The following RCAN1 variants were observed in gnomAD, a reference collection of about 807,000 sequenced individuals.
RCAN1 encodes the protein calcipressin-1.
RCAN1 carries 11 observed loss-of-function variants against 22.9 expected under a neutral mutation model. The observed-to-expected ratio is 0.48, with a 90% CI of 0.30 to 0.79. RCAN1 has a LOEUF of 0.79. Among genes scored for constraint, RCAN1 ranks in the 30% least tolerant of loss-of-function variants. The pLI is 0.06. For missense variants in RCAN1, 291 were observed against 337.8 expected, an observed-to-expected ratio of 0.86 and a Z score of 1.09; for synonymous variants, 136 against 142.3, an observed-to-expected ratio of 0.96 and a Z score of 0.32.
At chr21:34,610,326 G>A (rs560538261) in intron 1 of RCAN1, among the ~76,000 whole-genome samples, 43 of 152,302 alleles carry the variant, frequency 2.8e-4, no homozygotes, top group East Asian at 9.6e-4. Context: ...ATGATCTGCC[G>A]TTTGGGTGGA....
chr21:34,599,264 T>C (rs551489718), intron 1 of RCAN1, among the ~76,000 whole-genome samples: 1 of 152,008 alleles, frequency 6.6e-6, no homozygotes, highest in Non-Finnish European at 1.5e-5. Flanking sequence ...GAATAGCTGG[T>C]TGAGTTGTGT....
chr21:34,519,202 A>G (rs1014101613), intron 3 of RCAN1, among the ~76,000 whole-genome samples: 2 of 152,150 alleles, frequency 1.3e-5, no homozygotes, highest in Non-Finnish European at 2.9e-5. Context: ...TGTCCAGCCC[A>G]TGTCACCTAG....
intron 1 of RCAN1, among the ~76,000 whole-genome samples, chr21:34,547,773 C>T (rs1222182816): frequency 1.3e-5 from 2 of 152,186 alleles, no homozygotes; most frequent in Non-Finnish European, 2.9e-5. Flanking sequence ...CAGCTTCTGC[C>T]TTCTGCCATG....
intron 1 of RCAN1, among the ~76,000 whole-genome samples, chr21:34,583,949 T>A (rs948524298): frequency 6.6e-6 from 1 of 152,212 alleles, no homozygotes; most frequent in Non-Finnish European, 1.5e-5. Flanking sequence ...ACACACATAT[T>A]TGTTATTGAT....
At chr21:34,582,286 C>T (rs1055001691) in intron 1 of RCAN1, among the ~76,000 whole-genome samples, 2 of 152,130 alleles carry the variant, frequency 1.3e-5, no homozygotes, top group Non-Finnish European at 2.9e-5. Context: ...AGCTGACGTT[C>T]TAGCAAACAC....
chr21:34,578,826 G>T (rs1987504531), intron 1 of RCAN1, among the ~76,000 whole-genome samples: 1 of 152,112 alleles, frequency 6.6e-6, no homozygotes, highest in Non-Finnish European at 1.5e-5. Flanking sequence ...GGTCCTCCTG[G>T]CCACTCGGTT....
At chr21:34,584,956 C>T (rs1557270) in intron 1 of RCAN1, among the ~76,000 whole-genome samples, 11,776 of 152,234 alleles carry the variant, frequency 0.077, 475 homozygotes, top group African/African-American at 0.1. Flanking sequence ...TTTTGCTATG[C>T]ATTTAATGGA....
intron 1 of RCAN1, among the ~76,000 whole-genome samples, chr21:34,533,028 T>C (rs916841038): frequency 1.3e-5 from 2 of 151,442 alleles, no homozygotes; most frequent in South Asian, 2.1e-4. Flanking sequence ...TGGCACTATC[T>C]CGGCTCACTG....
chr21:34,554,085 C>A (rs771510946), intron 1 of RCAN1, among the ~76,000 whole-genome samples: 15 of 152,216 alleles, frequency 9.9e-5, no homozygotes, highest in Non-Finnish European at 2.1e-4. Context: ...ATCTCAGAAA[C>A]AATGCACTAT....
At chr21:34,553,426 C>G (rs1986443785) in intron 1 of RCAN1, among the ~76,000 whole-genome samples, 2 of 152,202 alleles carry the variant, frequency 1.3e-5, no homozygotes, top group Admixed American at 6.5e-5. Flanking sequence ...CATGGAAAGT[C>G]ATGCCACTTC....
At chr21:34,604,490 A>G (rs1383457383) in intron 1 of RCAN1, among the ~76,000 whole-genome samples, 1 of 152,144 alleles carries the variant, frequency 6.6e-6, no homozygotes, top group Non-Finnish European at 1.5e-5. Context: ...AGTACTGTAT[A>G]TGTTTCCAAG....
intron 1 of RCAN1, among the ~76,000 whole-genome samples, chr21:34,576,727 G>A (rs943431415): frequency 2.0e-4 from 30 of 152,084 alleles, no homozygotes; most frequent in Admixed American, 1.5e-3. Flanking sequence ...TCTAATCACC[G>A]CTCAGCAAGA....
intron 1 of RCAN1, among the ~76,000 whole-genome samples, chr21:34,527,305 C>T (rs770675083): frequency 7.1e-6 from 1 of 140,786 alleles, no homozygotes; most frequent in Non-Finnish European, 1.6e-5. Flanking sequence ...ATACTTGATC[C>T]CTGGAATTTC....
At chr21:34,568,093 C>G (rs1386484164) in intron 1 of RCAN1, among the ~76,000 whole-genome samples, 1 of 152,176 alleles carries the variant, frequency 6.6e-6, no homozygotes, top group Non-Finnish European at 1.5e-5. Context: ...CTTGGGACCT[C>G]TGCCCCAGCT....
At chr21:34,554,423 TG>T (rs934594571) in intron 1 of RCAN1, among the ~76,000 whole-genome samples, 17 of 152,280 alleles carry the variant, frequency 1.1e-4, no homozygotes, top group African/African-American at 3.9e-4. Context: ...ATCTGGAGGC[TG>T]GGGTAAACAC....
At chr21:34,592,111 A>G (rs1202795837) in intron 1 of RCAN1, among the ~76,000 whole-genome samples, 2 of 152,216 alleles carry the variant, frequency 1.3e-5, no homozygotes, top group African/African-American at 2.4e-5. Flanking sequence ...TTGGGCTTAG[A>G]CAGACGAAAG....
intron 1 of RCAN1, among the ~76,000 whole-genome samples, chr21:34,547,759 G>A (rs1372635184): frequency 2.6e-5 from 4 of 152,198 alleles, no homozygotes; most frequent in Non-Finnish European, 5.9e-5. Context: ...TCCTGTGCTT[G>A]CTTCAGCTTC....
At position 34,614,682 on chromosome 21, in the gene RCAN1, G is replaced by T; in HGVS notation, c.252+78C>A. The T allele has an allele frequency of 1.6e-6, 2 of 1,268,614 alleles. No homozygotes were observed. The highest frequency in any genetic ancestry group is 4.1e-5 in the South Asian group (2 of 48,942). The allele number at this position is 1,268,614 out of a possible 1,614,324, so 78.6% of individuals were successfully genotyped here. On this transcript the variant is annotated intron_variant, in intron 1 of 3. Coordinates refer to ENST00000313806, the MANE Select transcript of RCAN1 (RefSeq NM_004414.7). The surrounding 1 kb of genome is among the most constrained non-coding windows in gnomAD (Gnocchi z 6.0). Reference sequence around the variant, plus strand: ...CCGCCCCGCGCGCGGCCGGGACTGGGCGCTGCGACCCGCGCCGCCTCCTCG... The same window carrying T: ...CCGCCCCGCGCGCGGCCGGGACTGGTCGCTGCGACCCGCGCCGCCTCCTCG...
chr21:34,551,121 G>A (rs969767831), intron 1 of RCAN1, among the ~76,000 whole-genome samples: 3 of 152,120 alleles, frequency 2.0e-5, no homozygotes, highest in African/African-American at 7.2e-5. Flanking sequence ...TTTAAAACTG[G>A]GAAGACCCAA....
Sources: allele counts gnomAD v4.1 joint callset (sites outside exome capture counted in the v4.1 genomes callset), GRCh38; gene constraint gnomAD v4.1.1; non-coding constraint Gnocchi (gnomAD v3.1); transcripts MANE v1.5; gene names NCBI Gene and HGNC (gene_info 2026-07-23, HGNC 2026-07-21).